Variants in SDHAF4 observed in about 807,000 individuals in gnomAD.
SDHAF4 encodes the protein succinate dehydrogenase complex assembly factor 4.
In SDHAF4, 14 loss-of-function variants were observed where a neutral mutation model predicts 14.3. The ratio of observed to expected loss-of-function variants is 0.98; its 90% CI spans 0.65 to 1.53. SDHAF4 has a LOEUF of 1.53. Among genes scored for constraint, SDHAF4 ranks in the 40% most tolerant of loss-of-function variants. The pLI, the probability that SDHAF4 is intolerant of heterozygous loss-of-function variation, is 0.00. For synonymous variants in SDHAF4, 63 were observed against 47.3 expected (o/e 1.33, Z -1.36); for missense variants, 141 against 129.3 (o/e 1.09, Z -0.44).
chr6:70,582,869 C>T (rs1010250194), intron 2 of SDHAF4, among the ~76,000 whole-genome samples: 2 of 152,138 alleles, frequency 1.3e-5, no homozygotes, highest in African/African-American at 4.8e-5. Flanking sequence ...CTAGTATGTA[C>T]TTTATTCTAA....
At chr6:70,570,657 C>G (rs1173043647) in intron 1 of SDHAF4, among the ~76,000 whole-genome samples, 3 of 151,548 alleles carry the variant, frequency 2.0e-5, no homozygotes, top group Non-Finnish European at 2.9e-5. Context: ...ATTTCCAGCA[C>G]CATGTTGACT....
the SDHAF4 span, among the ~76,000 whole-genome samples, chr6:70,595,412 G>T: frequency 3.9e-5 from 6 of 152,172 alleles, no homozygotes; most frequent in Non-Finnish European, 7.3e-5. Flanking sequence ...GTGTAATTAG[G>T]ACTAGTCATT....
chr6:70,598,055 T>A, the SDHAF4 span, among the ~76,000 whole-genome samples: 2 of 152,244 alleles, frequency 1.3e-5, no homozygotes, highest in Admixed American at 1.3e-4. Context: ...CATTGTCCTG[T>A]GGGCACTTTG....
chr6:70,588,663 G>C lies in SDHAF4; in HGVS notation c.266G>C (p.Arg89Thr), dbSNP rs538912127. ...GTGACCAAAGAAAAAGGTGGACCCA[G>C]GGGCCCAGAACCTACCCGATATGGA... ...NPVTKEKGGP[R>T]GPEPTRYGDW... The change falls in exon 3 of 3, where the codon AGG becomes ACG. Residue 89 changes from arginine (R) to threonine (T), a missense_variant. Coordinates refer to ENST00000370474, the MANE Select transcript of SDHAF4 (RefSeq NM_145267.3). The C allele has an allele frequency of 6.2e-7, 1 of 1,602,514 alleles. No individual in the cohort carries two copies. The highest frequency in any genetic ancestry group is 2.2e-5 in the East Asian group (1 of 44,808).
intron 1 of SDHAF4, among the ~76,000 whole-genome samples, chr6:70,569,654 A>G (rs1802155719): frequency 6.6e-6 from 1 of 152,180 alleles, no homozygotes; most frequent in Non-Finnish European, 1.5e-5. Context: ...TGTTTCTGTC[A>G]CTGCTAGGCA....
rs753819854 is a variant in SDHAF4 at position 70,567,136 on chromosome 6, C to CCCGCCCAG, written c.64+140_64+147dup. 1.8e-3 allele frequency: 1,584 copies of CCCGCCCAG among 882,178 alleles called. 5 individuals carry two copies. Among genetic ancestry groups the CCCGCCCAG allele is most frequent in the South Asian group, 3.1e-3 (181 of 58,200 alleles). 54.6% of individuals were successfully genotyped at this position (882,178 alleles called of 1,614,324 possible). A position where few individuals can be genotyped will look rare whatever the true frequency, so the allele number is the denominator to read the frequency against. On this transcript the variant is annotated intron_variant, in intron 1 of 2. Coordinates refer to ENST00000370474, the MANE Select transcript of SDHAF4 (RefSeq NM_145267.3). ...TGTTGCCAGGGGCTGCCCAGCTTCT[C>CCCGCCCAG]CCGCCCAGCCGCCCACCCGGTGGCC...
At chr6:70,592,179 G>C (rs145972332), downstream of SDHAF4, among the ~76,000 whole-genome samples, 9 of 152,336 alleles carry the variant, frequency 5.9e-5, no homozygotes, top group Admixed American at 5.9e-4. Context: ...CCAGTATCAG[G>C]TATTTAGTTA....
intron 2 of SDHAF4, among the ~76,000 whole-genome samples, chr6:70,585,905 A>T (rs1438230903): frequency 6.6e-6 from 1 of 152,144 alleles, no homozygotes; most frequent in Non-Finnish European, 1.5e-5. Flanking sequence ...ATTCTCCTGC[A>T]GTTTCCCCGT....
chr6:70,568,067 A>G (rs1256617864), intron 1 of SDHAF4, among the ~76,000 whole-genome samples: 2 of 152,234 alleles, frequency 1.3e-5, no homozygotes, highest in South Asian at 4.1e-4. Flanking sequence ...ATGGTGCCAG[A>G]TTTCTATGCA....
downstream of SDHAF4, among the ~76,000 whole-genome samples, chr6:70,590,795 G>T (rs1333369934): frequency 6.6e-6 from 1 of 152,144 alleles, no homozygotes; most frequent in African/African-American, 2.4e-5. Flanking sequence ...AGGAGAGAGA[G>T]AGATTATGTG....
chr6:70,573,157 C>A (rs1201697675), intron 1 of SDHAF4, among the ~76,000 whole-genome samples: 1 of 151,080 alleles, frequency 6.6e-6, no homozygotes, highest in Admixed American at 6.6e-5. Context: ...GCTAATCTTT[C>A]ATTATTTTTA....
the SDHAF4 span, among the ~76,000 whole-genome samples, chr6:70,595,202 C>G: frequency 1.3e-5 from 2 of 152,158 alleles, no homozygotes; most frequent in Non-Finnish European, 2.9e-5. Flanking sequence ...GCCTCACTCA[C>G]TCTCAGAGGT....
the SDHAF4 span, among the ~76,000 whole-genome samples, chr6:70,596,256 C>T: frequency 1.3e-5 from 2 of 152,204 alleles, no homozygotes; most frequent in African/African-American, 4.8e-5. Context: ...CCACTGTATT[C>T]CTGCTGTTCC....
chr6:70,575,705 G>GTA (rs35133585), intron 1 of SDHAF4, among the ~76,000 whole-genome samples: 2,887 of 142,696 alleles, frequency 0.02, 34 homozygotes, highest in Admixed American at 0.033. Flanking sequence ...TGTTGTTTTT[G>GTA]TATATGTGTG....
chr6:70,571,552 A>G (rs1802178177), intron 1 of SDHAF4, among the ~76,000 whole-genome samples: 1 of 152,120 alleles, frequency 6.6e-6, no homozygotes, highest in Non-Finnish European at 1.5e-5. Flanking sequence ...TGACCTCGTG[A>G]TATGCCTGCC....
At chr6:70,575,480 CAA>C (rs57160716) in intron 1 of SDHAF4, among the ~76,000 whole-genome samples, 15 of 113,262 alleles carry the variant, frequency 1.3e-4, no homozygotes, top group Admixed American at 1.8e-4. Flanking sequence ...TGTCTCTGTT[CAA>C]AAAAAAAAAA....
At chr6:70,590,626 A>G (rs1765249752), downstream of SDHAF4, among the ~76,000 whole-genome samples, 1 of 152,194 alleles carries the variant, frequency 6.6e-6, no homozygotes, top group Non-Finnish European at 1.5e-5. Context: ...TTATGCAGCC[A>G]TTTCAACAAT....
intron 2 of SDHAF4, among the ~76,000 whole-genome samples, chr6:70,588,160 C>T (rs1203356284): frequency 6.6e-6 from 1 of 152,180 alleles, no homozygotes. Context: ...ATCACATTTA[C>T]AGTTCTTTTA....
At chr6:70,587,521 C>T (rs758746347) in intron 2 of SDHAF4, among the ~76,000 whole-genome samples, 54 of 152,170 alleles carry the variant, frequency 3.5e-4, no homozygotes, top group Non-Finnish European at 5.6e-4. Flanking sequence ...AAAGAATTAG[C>T]GCTCTGTCTA....
Sources: allele counts gnomAD v4.1 joint callset (sites outside exome capture counted in the v4.1 genomes callset), GRCh38; gene constraint gnomAD v4.1.1; transcripts MANE v1.5; gene names NCBI Gene and HGNC (gene_info 2026-07-23, HGNC 2026-07-21).